ELMO1: variants seen among roughly 807,000 people sequenced by gnomAD.
ELMO1 encodes the protein engulfment and cell motility 1, also known as engulfment and cell motility protein 1.
ELMO1 carries 26 observed loss-of-function variants against 98.9 expected under a neutral mutation model. The observed-to-expected ratio is 0.26, with a 90% CI of 0.19 to 0.36. ELMO1 has a LOEUF of 0.36. ELMO1 is among the 10% of genes least tolerant of loss of function. The pLI is 1.00. For missense variants in ELMO1, 627 were observed against 935.2 expected (o/e 0.67, Z 4.30); for synonymous variants, 346 against 346.0 (o/e 1.00, Z 0.00).
intron 15 of ELMO1, among the ~76,000 whole-genome samples, chr7:37,031,166 C>A (rs1450207891): frequency 6.6e-6 from 1 of 152,144 alleles, no homozygotes; most frequent in African/African-American, 2.4e-5. Flanking sequence ...AGTCTCGGGA[C>A]AGATCCATTT....
chr7:37,261,270 G>A (rs1409372954), intron 5 of ELMO1, among the ~76,000 whole-genome samples: 1 of 152,186 alleles, frequency 6.6e-6, no homozygotes, highest in East Asian at 1.9e-4. Context: ...AGGGAAGTTA[G>A]GTAACTTGCC....
chr7:37,244,503 C>A, intron 6 of ELMO1, 112 bp from the exon 7 acceptor site: 2 of 1,051,312 alleles, frequency 1.9e-6, no homozygotes, highest in South Asian at 1.5e-5. Context: ...GATTTAACTG[C>A]CATGAAGTAA....
At position 37,026,745 on chromosome 7, in the gene ELMO1, C is replaced by T. The variant is rs190212058; in HGVS notation, c.1301-13310G>A. Among the ~76,000 whole-genome samples the T allele has an allele frequency of 1.1e-4, 16 of 152,300 alleles. No homozygotes were observed. The East Asian group carries it at 2.3e-3, about 22-fold the overall frequency. The stretch of plus-strand genomic sequence containing the variant: ...AAAGCCCAGACCTCTGCTAATGGCA[C>T]TTCACTTCTAAAGCTCTGTCCCACT... On this transcript the variant is annotated intron_variant, in intron 15 of 21. Coordinates refer to ENST00000310758, the MANE Select transcript of ELMO1 (RefSeq NM_014800.11).
chr7:37,165,820 C>A (rs867196068), intron 13 of ELMO1, among the ~76,000 whole-genome samples: 113 of 152,116 alleles, frequency 7.4e-4, no homozygotes, highest in African/African-American at 2.1e-3. Context: ...TGTCTCTGCC[C>A]GGCTTTGGTA....
chr7:37,062,914 C>T (rs1379154892), intron 15 of ELMO1, among the ~76,000 whole-genome samples: 1 of 152,128 alleles, frequency 6.6e-6, no homozygotes, highest in Non-Finnish European at 1.5e-5. Flanking sequence ...AGAAAGGTTT[C>T]CTTCAACTGG....
chr7:37,191,046 G>A (rs1359176075), intron 13 of ELMO1, among the ~76,000 whole-genome samples: 3 of 151,470 alleles, frequency 2.0e-5, no homozygotes, highest in African/African-American at 7.3e-5. Context: ...AAAATTAGCC[G>A]GGTGTGGTGG....
At chr7:37,064,566 C>A (rs1008303358) in intron 15 of ELMO1, among the ~76,000 whole-genome samples, 1 of 152,192 alleles carries the variant, frequency 6.6e-6, no homozygotes, top group African/African-American at 2.4e-5. Context: ...GGAAATAATA[C>A]GGGCAAAGCC....
intron 16 of ELMO1, among the ~76,000 whole-genome samples, chr7:36,996,819 A>G (rs1584491973): frequency 6.6e-6 from 1 of 152,146 alleles, no homozygotes; most frequent in Non-Finnish European, 1.5e-5. Flanking sequence ...ACAATCAGGG[A>G]CAGATACTGG....
At chr7:37,062,358 A>T (rs1310716211) in intron 15 of ELMO1, among the ~76,000 whole-genome samples, 2 of 152,208 alleles carry the variant, frequency 1.3e-5, no homozygotes, top group Non-Finnish European at 2.9e-5. Context: ...AATAAATGCT[A>T]TGAGGATGAA....
intron 16 of ELMO1, among the ~76,000 whole-genome samples, chr7:37,004,937 C>T (rs1403112054): frequency 6.6e-6 from 1 of 151,620 alleles, no homozygotes; most frequent in Non-Finnish European, 1.5e-5. Context: ...GGTGAAACCT[C>T]GTCTCTACTA....
At chr7:36,972,457 C>T (rs1400164172) in intron 16 of ELMO1, among the ~76,000 whole-genome samples, 1 of 152,194 alleles carries the variant, frequency 6.6e-6, no homozygotes, top group Non-Finnish European at 1.5e-5. Flanking sequence ...AACAGAAATT[C>T]ATTGTCTCAC....
intron 7 of ELMO1, among the ~76,000 whole-genome samples, chr7:37,237,585 C>T (rs1170214183): frequency 2.0e-5 from 3 of 152,118 alleles, no homozygotes; most frequent in East Asian, 1.9e-4. Flanking sequence ...CCACCATGCC[C>T]GGCCCCAATA....
At chr7:37,407,909 T>G (rs1803838883) in intron 1 of ELMO1, among the ~76,000 whole-genome samples, 1 of 152,164 alleles carries the variant, frequency 6.6e-6, no homozygotes, top group Non-Finnish European at 1.5e-5. Context: ...AGAGAGGATA[T>G]GGAAACTGTA....
chr7:37,260,102 T>C (rs1795903144), intron 5 of ELMO1, among the ~76,000 whole-genome samples: 1 of 152,200 alleles, frequency 6.6e-6, no homozygotes, highest in African/African-American at 2.4e-5. Context: ...AGATGTTTTA[T>C]TCATCAAGTC....
chr7:37,150,461 C>T (rs1461948244), intron 13 of ELMO1, among the ~76,000 whole-genome samples: 1 of 150,900 alleles, frequency 6.6e-6, no homozygotes, highest in Non-Finnish European at 1.5e-5. Flanking sequence ...AAATTGTTAA[C>T]TACATGATGG....
At chr7:37,173,334 G>A (rs550899351) in intron 13 of ELMO1, among the ~76,000 whole-genome samples, 1 of 152,072 alleles carries the variant, frequency 6.6e-6, no homozygotes, top group African/African-American at 2.4e-5. Context: ...ACCATGTGAG[G>A]TTCCAAGAAA....
chr7:37,258,934 C>A (rs1795837223), intron 6 of ELMO1, among the ~76,000 whole-genome samples: 1 of 151,750 alleles, frequency 6.6e-6, no homozygotes, highest in Admixed American at 6.6e-5. Context: ...CCCACATAAA[C>A]CTGAAATTTC....
intron 13 of ELMO1, among the ~76,000 whole-genome samples, chr7:37,155,487 C>CCAAAAAAAAAAAT (rs1554427434): frequency 4.0e-5 from 2 of 49,680 alleles, no homozygotes; most frequent in Non-Finnish European, 8.2e-5. Flanking sequence ...AAACGGAAAG[C>CCAAAAAAAAAAAT]AAAAAAAAAA....
intron 14 of ELMO1, among the ~76,000 whole-genome samples, chr7:37,121,623 A>C (rs1786048406): frequency 1.3e-5 from 2 of 152,248 alleles, no homozygotes; most frequent in African/African-American, 4.8e-5. Flanking sequence ...ATATGGGACT[A>C]TGTGAAAAGA....
Sources: gnomAD v4.1 joint callset for allele counts (sites outside exome capture counted in the v4.1 genomes callset) on GRCh38, gnomAD v4.1.1 for gene constraint, MANE v1.5 for transcripts, NCBI Gene and HGNC (gene_info 2026-07-23, HGNC 2026-07-21) for gene names.